CEMIP: variants seen among roughly 807,000 people sequenced by gnomAD.
CEMIP encodes the protein cell migration-inducing and hyaluronan-binding protein.
In CEMIP, 105 loss-of-function variants were observed where a neutral mutation model predicts 156.9. The ratio of observed to expected loss-of-function variants is 0.67; its 90% confidence interval spans 0.57 to 0.79. The LOEUF is 0.79. Ranked by LOEUF, CEMIP falls within the 30% of genes least tolerant of loss-of-function variation. CEMIP has a pLI of 0.00. For synonymous variants in CEMIP, 676 were observed against 668.4 expected (o/e 1.01, Z -0.17); for missense variants, 1,457 against 1,769.4 (o/e 0.82, Z 3.17).
chr15:80,921,347 A>G (rs1193038837), intron 16 of CEMIP, among the ~76,000 whole-genome samples: 7 of 152,244 alleles, frequency 4.6e-5, no homozygotes, highest in African/African-American at 1.7e-4. Flanking sequence ...GTTAGTGAAC[A>G]CTGAACGCTT....
chr15:80,915,568 G>A (rs1317410407), intron 14 of CEMIP, among the ~76,000 whole-genome samples: 1 of 152,132 alleles, frequency 6.6e-6, no homozygotes, highest in African/African-American at 2.4e-5. Context: ...GGTAAGAGAT[G>A]GGAGGGAGAG....
rs1898382739 is a variant in CEMIP at position 80,873,961 on chromosome 15, G to A, written c.82G>A (p.Ala28Thr). The A allele has an allele frequency of 1.3e-6, 2 of 1,570,840 alleles. No homozygotes were observed. Among genetic ancestry groups the A allele is most frequent in the Non-Finnish European group, 1.7e-6 (2 of 1,156,122 alleles). Residue 28 changes from alanine to threonine, a missense_variant, in exon 3 of 30, where the codon GCC (alanine) becomes ACC (threonine). Ala to Thr is a moderately conservative substitution (Grantham distance 58). Transcript: ENST00000394685. ...GCTCACTCTGACCTGCTTCCCTGGG[G>A]CCACATCCACAGGTGAGCACTGCAA... is the stretch of plus-strand genomic sequence containing the variant. The part of the protein sequence containing the change: ...SWLTLTCFPG[A>T]TSTVAAGCPD...
Position 80,943,057 on chromosome 15 carries a change from G to A in CEMIP, c.3812G>A (p.Gly1271Asp). The A allele has an allele frequency of 6.2e-7, 1 of 1,614,234 alleles. No homozygotes were observed. Among genetic ancestry groups the A allele is most frequent in the Non-Finnish European group, 8.5e-7 (1 of 1,180,036 alleles). ...AGCTTCAGGAACTCCATTCTGCAAG[G>A]CATACCATGGCAGCTTTTCAACTAT... is the stretch of plus-strand genomic sequence containing the variant. ...HTSFRNSILQ[G>D]IPWQLFNYVA... The change falls in exon 28 of 30, where the codon GGC (glycine) becomes GAC (aspartate). Residue 1271 changes from glycine to aspartate, a missense_variant. Physicochemically the swap from Gly to Asp is moderately conservative, Grantham distance 94 (BLOSUM62 -1). Around this residue, in one of 5 missense-constraint regions of CEMIP, gnomAD observed 798 missense variants for 980.1 expected, o/e 0.81. Coordinates refer to ENST00000394685, the MANE Select transcript of CEMIP (RefSeq NM_001293298.2).
At position 80,931,868 on chromosome 15, in the gene CEMIP, A is replaced by C. The variant is rs759848113; in HGVS notation, c.2622A>C (p.Pro874=). 1.2e-6 allele frequency: 2 copies of C among 1,614,078 alleles called. No individual in the cohort carries two copies. Among genetic ancestry groups the C allele is most frequent in the Admixed American group, 1.7e-5 (1 of 60,024 alleles). Residue 874 remains proline (P), a synonymous_variant, in exon 22 of 30, where the codon CCA becomes CCC. Transcript: ENST00000394685. ...TTCCTTAACTCCGTAGGAATTTTCC[A>C]ATTAGAGGAATTCAGTTATATGATG... The part of the protein sequence containing the change: ...GRTLPIGQNF[P]IRGIQLYDGP...
intron 1 of CEMIP, among the ~76,000 whole-genome samples, chr15:80,873,111 G>T (rs1898352271): frequency 6.6e-6 from 1 of 152,150 alleles, no homozygotes; most frequent in Non-Finnish European, 1.5e-5. Context: ...TGCTATATTG[G>T]CCAGAGCTGA....
At chr15:80,810,536 T>G (rs1157859590) in intron 1 of CEMIP, among the ~76,000 whole-genome samples, 1 of 152,120 alleles carries the variant, frequency 6.6e-6, no homozygotes, top group Non-Finnish European at 1.5e-5. Flanking sequence ...GCCAGCTAAT[T>G]TTTTGTATTT....
Position 80,884,274 on chromosome 15 carries a change from A to AATCTGCATGACAT in CEMIP, c.717_718insATCTGCATGACAT (p.Gly240IlefsTer11), listed in dbSNP as rs753346475. 1 of 1,614,192 alleles carries AATCTGCATGACAT rather than the reference A, an allele frequency of 6.2e-7. No homozygotes were observed. The highest frequency in any genetic ancestry group is 8.5e-7 in the Non-Finnish European group (1 of 1,180,026). ...TCCTTTCTGTTGCAGTGAATGATGA[A>AATCTGCATGACAT]GGTTCTCGAAATCTGGATGACATGG... On this transcript the variant is annotated frameshift_variant, in exon 7 of 30. Transcript: ENST00000394685. LOFTEE classifies it high-confidence loss of function.
chr15:80,945,101 C>A (rs889819519), intron 28 of CEMIP, among the ~76,000 whole-genome samples: 2 of 152,232 alleles, frequency 1.3e-5, no homozygotes, highest in African/African-American at 4.8e-5. Flanking sequence ...GCCCCAGGGT[C>A]CTGGGGAGAG....
At position 80,895,045 on chromosome 15, in the gene CEMIP, A is replaced by G; in HGVS notation, c.1142A>G (p.Gln381Arg). Residue 381 changes from glutamine to arginine, a missense_variant, in exon 11 of 30, where the codon CAG becomes CGG. Gln to Arg is a conservative substitution (Grantham distance 43, BLOSUM62 1). Coordinates refer to ENST00000394685, the MANE Select transcript of CEMIP (RefSeq NM_001293298.2). ...ACCGAGGTTGTCTACAAAAAAGGCC[A>G]GGATTATAGGTTTGCTTGCTACGAC... Reference protein sequence around the residue: ...LSTEVVYKKGQDYRFACYDRG... With the variant: ...LSTEVVYKKGRDYRFACYDRG... The G allele has an allele frequency of 6.2e-7, 1 of 1,614,206 alleles. No homozygotes were observed. Among genetic ancestry groups the G allele is most frequent in the Non-Finnish European group, 8.5e-7 (1 of 1,180,016 alleles).
chr15:80,812,976 G>A (rs566398902), intron 1 of CEMIP, among the ~76,000 whole-genome samples: 11 of 152,336 alleles, frequency 7.2e-5, no homozygotes, highest in African/African-American at 2.2e-4. Context: ...GCATCGTGCT[G>A]AAATTAAGGG....
intron 18 of CEMIP, 81 bp downstream of exon 18, chr15:80,924,787 A>G (rs1375326932): frequency 1.7e-6 from 2 of 1,202,610 alleles, no homozygotes; most frequent in African/African-American, 1.5e-5. Context: ...TCACTCATTC[A>G]TTCCCTGAGC....
At chr15:80,878,056 G>A (rs1482038078) in intron 3 of CEMIP, among the ~76,000 whole-genome samples, 1 of 152,196 alleles carries the variant, frequency 6.6e-6, no homozygotes, top group Admixed American at 6.5e-5. Flanking sequence ...GGAGCCAGTA[G>A]CAACTCCGTA....
intron 1 of CEMIP, among the ~76,000 whole-genome samples, chr15:80,784,193 A>G (rs756939802): frequency 1.3e-5 from 2 of 152,216 alleles, no homozygotes; most frequent in Non-Finnish European, 2.9e-5. Flanking sequence ...CAGACTTTGA[A>G]AACCTTTGAA....
chr15:80,925,849 G>A (rs906867378), intron 19 of CEMIP, 94 bp downstream of exon 19: 3 of 1,508,366 alleles, frequency 2.0e-6, no homozygotes, highest in Admixed American at 2.0e-5. Flanking sequence ...GCAGAGAGGG[G>A]AAGCCAGACA....
intron 1 of CEMIP, among the ~76,000 whole-genome samples, chr15:80,871,634 T>G (rs923229417): frequency 1.3e-5 from 2 of 152,158 alleles, no homozygotes; most frequent in Non-Finnish European, 2.9e-5. Context: ...GTCTGTCATC[T>G]TCCTTTACCA....
intron 1 of CEMIP, among the ~76,000 whole-genome samples, chr15:80,857,099 A>G (rs779532361): frequency 6.6e-6 from 1 of 152,226 alleles, no homozygotes; most frequent in Non-Finnish European, 1.5e-5. Flanking sequence ...ACTAAAATCA[A>G]GCGTGCTCTT....
chr15:80,891,706 C>T (rs954024811), intron 10 of CEMIP, among the ~76,000 whole-genome samples: 1 of 152,198 alleles, frequency 6.6e-6, no homozygotes, highest in African/African-American at 2.4e-5. Context: ...TGAATTCAAA[C>T]CTCCATCTCT....
Position 80,887,700 on chromosome 15 carries a change from T to C in CEMIP, c.804T>C (p.Pro268=). The change falls in exon 8 of 30, where the codon CCT becomes CCC. Residue 268 remains proline, a synonymous_variant. Transcript: ENST00000394685. The part of the protein sequence containing the change: ...KHFLHLGFRH[P]WSFLTVKGNP... The stretch of plus-strand genomic sequence containing the variant: ...ATGTTTTTCTTTTTTTCAGACACCC[T>C]TGGAGTTTTCTAACTGTGAAAGGAA... 6.2e-7 allele frequency: 1 copy of C among 1,611,964 alleles called. No individual in the cohort carries two copies. The highest frequency in any genetic ancestry group is 1.1e-5 in the South Asian group (1 of 91,056).
At chr15:80,947,366 A>T (rs955139886) in intron 29 of CEMIP, 1 of 391,760 alleles carries the variant, frequency 2.6e-6, no homozygotes, top group Non-Finnish European at 4.8e-6. Context: ...AAAGTATCAT[A>T]AGAAAAGTGG....
Sources: allele counts gnomAD v4.1 joint callset (sites outside exome capture counted in the v4.1 genomes callset), GRCh38; gene constraint gnomAD v4.1.1; regional missense constraint gnomAD v4.1.1; transcripts MANE v1.5; gene names NCBI Gene and HGNC (gene_info 2026-07-23, HGNC 2026-07-21).